Variants in SESTD1 observed in about 807,000 individuals in gnomAD.
SESTD1 encodes the protein SEC14 domain and spectrin repeat-containing protein 1.
SESTD1 carries 43 observed loss-of-function variants against 101.7 expected under a neutral mutation model. That is an observed-to-expected ratio of 0.42 (90% CI 0.33 to 0.55). The LOEUF is 0.55. Ranked by LOEUF, SESTD1 falls within the 20% of genes least tolerant of loss-of-function variation. The pLI, the probability that SESTD1 is intolerant of heterozygous loss-of-function variation, is 0.07. For missense variants in SESTD1, 647 were observed against 815.1 expected (o/e 0.79, Z 2.51); for synonymous variants, 283 against 286.8 (o/e 0.99, Z 0.13).
At chr2:179,221,676 G>A (rs1441800241) in intron 1 of SESTD1, among the ~76,000 whole-genome samples, 2 of 149,914 alleles carry the variant, frequency 1.3e-5, no homozygotes, top group East Asian at 2.0e-4. Flanking sequence ...TCAGCACTTC[G>A]GAAGACCAAG....
At chr2:179,217,191 C>T (rs1022627478) in intron 1 of SESTD1, among the ~76,000 whole-genome samples, 8 of 152,144 alleles carry the variant, frequency 5.3e-5, no homozygotes, top group African/African-American at 1.4e-4. Flanking sequence ...TCAGAGTGAA[C>T]AGGCAAACTA....
At chr2:179,239,722 A>C (rs1045384404) in intron 1 of SESTD1, among the ~76,000 whole-genome samples, 1 of 152,200 alleles carries the variant, frequency 6.6e-6, no homozygotes, top group Admixed American at 6.5e-5. Flanking sequence ...TAAAACAATA[A>C]GGCATCATTT....
intron 9 of SESTD1, among the ~76,000 whole-genome samples, chr2:179,141,604 T>G (rs189893144): frequency 2.0e-4 from 30 of 152,208 alleles, no homozygotes; most frequent in African/African-American, 6.5e-4. Context: ...CCTTCTTTAA[T>G]TCTTGTAACA....
intron 2 of SESTD1, 123 bp downstream of exon 2, chr2:179,191,664 T>C (rs1226775448): frequency 1.3e-6 from 1 of 794,816 alleles, no homozygotes; most frequent in Non-Finnish European, 2.1e-6. Flanking sequence ...TTTAAAGATG[T>C]CTTAGAAATA....
chr2:179,215,145 G>A lies in SESTD1; in HGVS notation c.-25-23279C>T, dbSNP rs2046702835. ...GCAAGAAATAAGTAAGATCAGAGCAGAACTGAAGGAGATAGAGACACAAAA... is the reference window on the plus strand; with the variant it reads ...GCAAGAAATAAGTAAGATCAGAGCAAAACTGAAGGAGATAGAGACACAAAA... On this transcript the variant is annotated intron_variant, in intron 1 of 17. Transcript: ENST00000428443. Among the ~76,000 whole-genome samples, 2 of 134,540 alleles carry A rather than the reference G, an allele frequency of 1.5e-5. 1 individual carries two copies. The highest frequency in any genetic ancestry group is 5.6e-4 in the South Asian group (2 of 3,566). The allele number at this position is 134,540 out of a possible 152,430, so 88.3% of individuals were successfully genotyped here. A position where few individuals can be genotyped will look rare whatever the true frequency, so the allele number is the denominator to read the frequency against.
At position 179,213,087 on chromosome 2, in the gene SESTD1, TCTC is replaced by T. The variant is rs1179555785; in HGVS notation, c.-25-21224_-25-21222del. On this transcript the variant is annotated intron_variant, in intron 1 of 17. Coordinates refer to ENST00000428443, the MANE Select transcript of SESTD1 (RefSeq NM_178123.5). ...AAATTCTAAAAACCAGATCACCTCT[TCTC>T]CTACAAAGGATCACAGCTCCTAGCC... 2.2e-5 allele frequency among the ~76,000 whole-genome samples: 3 copies of T among 134,490 alleles called. 1 individual carries two copies. Among genetic ancestry groups the T allele is most frequent in the Non-Finnish European group, 3.2e-5 (2 of 62,614 alleles). 88.2% of individuals were successfully genotyped at this position (134,490 alleles called of 152,430 possible). A position where few individuals can be genotyped will look rare whatever the true frequency, so the allele number is the denominator to read the frequency against.
intron 10 of SESTD1, 79 bp from the exon 11 acceptor site, chr2:179,124,637 T>G: frequency 8.3e-7 from 1 of 1,202,672 alleles, no homozygotes. Flanking sequence ...TTTCTCCAGA[T>G]AAACTAAGTA....
At chr2:179,135,151 G>A (rs1031508735) in intron 9 of SESTD1, among the ~76,000 whole-genome samples, 2 of 151,984 alleles carry the variant, frequency 1.3e-5, no homozygotes, top group Non-Finnish European at 2.9e-5. Flanking sequence ...CACCATCTTG[G>A]CCAGGCTGGT....
intron 12 of SESTD1, 34 bp downstream of exon 12, chr2:179,123,681 A>AC (rs1553517077): frequency 6.7e-7 from 1 of 1,482,554 alleles, no homozygotes; most frequent in Non-Finnish European, 9.3e-7. Flanking sequence ...AAAAAAAAAA[A>AC]CCTTATGTTT....
rs528041535 is a variant in SESTD1, at chr2:179,218,095, G to A, written c.-25-26229C>T. Among the ~76,000 whole-genome samples, 15 of 152,212 alleles carry A rather than the reference G, an allele frequency of 9.9e-5. 1 individual carries two copies. The South Asian group carries it at 2.9e-3, about 29-fold the overall frequency. The stretch of plus-strand genomic sequence containing the variant: ...GTATACCTATGTAACAAACCTGCAC[G>A]TTGTGCACATGTACCCTAGAACTTA... On this transcript the variant is annotated intron_variant, in intron 1 of 17. Coordinates refer to ENST00000428443, the MANE Select transcript of SESTD1 (RefSeq NM_178123.5).
chr2:179,238,442 T>C (rs1326743666), intron 1 of SESTD1, among the ~76,000 whole-genome samples: 1 of 152,186 alleles, frequency 6.6e-6, no homozygotes, highest in East Asian at 1.9e-4. Context: ...TAAAAATATA[T>C]ATTAAATAAA....
rs202194415 is a variant in SESTD1, at chr2:179,148,896, TA to T, written c.581+400del. Among the ~76,000 whole-genome samples the T allele has an allele frequency of 8.5e-3, 1,292 of 151,482 alleles. 10 individuals are homozygous for T. The highest frequency in any genetic ancestry group is 0.029 in the African/African-American group (1,204 of 41,338). On this transcript the variant is annotated intron_variant, in intron 7 of 17. Coordinates refer to ENST00000428443, the MANE Select transcript of SESTD1 (RefSeq NM_178123.5). ...TAACATGGTGAAACGCCGTCTTTAT[TA>T]AAAATACAAAAAATTAGCCGGGCGA...
rs904500022 is a variant in SESTD1, at chr2:179,226,447, C to T, written c.-25-34581G>A. On this transcript the variant is annotated intron_variant, in intron 1 of 17. Coordinates refer to ENST00000428443, the MANE Select transcript of SESTD1 (RefSeq NM_178123.5). ...CCTTTCTCACTTTTGTGACCGCAGTCGTTTTCCCAGCAGTCTCCTTCTCAC... is the reference window on the plus strand; with the variant it reads ...CCTTTCTCACTTTTGTGACCGCAGTTGTTTTCCCAGCAGTCTCCTTCTCAC... Among the ~76,000 whole-genome samples the T allele has an allele frequency of 1.3e-5, 2 of 152,182 alleles. 1 individual carries two copies. Among genetic ancestry groups the T allele is most frequent in the South Asian group, 4.1e-4 (2 of 4,832 alleles).
Position 179,108,803 on chromosome 2 carries a change from C to G in SESTD1, c.*1096G>C, listed in dbSNP as rs1313376956. The G allele has an allele frequency of 6.6e-6, 1 of 151,910 alleles. No individual in the cohort carries two copies. Among genetic ancestry groups the G allele is most frequent in the Non-Finnish European group, 1.5e-5 (1 of 67,968 alleles). The allele number at this position is 151,910 out of a possible 1,614,324, so 9.4% of individuals were successfully genotyped here. A position where few individuals can be genotyped will look rare whatever the true frequency, so the allele number is the denominator to read the frequency against. ...CTTAATACAAACTTAAAAGAACTAG[C>G]ATTTCATGATAAATTTTATTTCTAA... On this transcript the variant is annotated 3_prime_UTR_variant, in exon 18 of 18. Coordinates refer to ENST00000428443, the MANE Select transcript of SESTD1 (RefSeq NM_178123.5).
At chr2:179,203,020 G>A (rs558873174) in intron 1 of SESTD1, among the ~76,000 whole-genome samples, 1 of 135,202 alleles carries the variant, frequency 7.4e-6, no homozygotes, top group Non-Finnish European at 1.6e-5. Flanking sequence ...CTGCTGTTCT[G>A]TCAGAGGGGG....
intron 5 of SESTD1, among the ~76,000 whole-genome samples, chr2:179,156,394 T>C (rs1575448863): frequency 6.6e-6 from 1 of 152,214 alleles, no homozygotes; most frequent in Non-Finnish European, 1.5e-5. Context: ...CTTTTAGTTC[T>C]TTGAGGTATC....
chr2:179,222,508 C>T (rs1478935217), intron 1 of SESTD1, among the ~76,000 whole-genome samples: 1 of 152,088 alleles, frequency 6.6e-6, no homozygotes, highest in African/African-American at 2.4e-5. Context: ...CTGAGGCCAC[C>T]GTGAAAGCAT....
At chr2:179,163,283 T>C (rs1441778281) in intron 5 of SESTD1, among the ~76,000 whole-genome samples, 1 of 152,162 alleles carries the variant, frequency 6.6e-6, no homozygotes, top group Non-Finnish European at 1.5e-5. Flanking sequence ...ATTTCACCTT[T>C]AGGAAAACGA....
At chr2:179,223,905 G>C (rs938276010) in intron 1 of SESTD1, among the ~76,000 whole-genome samples, 2 of 152,104 alleles carry the variant, frequency 1.3e-5, no homozygotes, top group African/African-American at 4.8e-5. Flanking sequence ...TTATATCTTA[G>C]GGTATCTCAA....
Sources: allele counts gnomAD v4.1 joint callset (sites outside exome capture counted in the v4.1 genomes callset), GRCh38; gene constraint gnomAD v4.1.1; transcripts MANE v1.5; gene names NCBI Gene and HGNC (gene_info 2026-07-23, HGNC 2026-07-21).